SHCBP1L: variants seen among roughly 807,000 people sequenced by gnomAD.
SHCBP1L encodes the protein testicular spindle-associated protein SHCBP1L.
A neutral mutation model predicts 62.5 loss-of-function variants in SHCBP1L; 67 were observed. The observed-to-expected ratio is 1.07, with a 90% CI of 0.88 to 1.31. The LOEUF is 1.31. Among genes scored for constraint, SHCBP1L ranks in the 40% most tolerant of loss-of-function variants. The pLI, the probability that SHCBP1L is intolerant of heterozygous loss-of-function variation, is 0.00. For missense variants in SHCBP1L, 823 were observed against 809.8 expected, an observed-to-expected ratio of 1.02 and a Z score of -0.20; for synonymous variants, 284 against 289.4, an observed-to-expected ratio of 0.98 and a Z score of 0.19.
At chr1:182,929,882 G>A in intron 5 of SHCBP1L, 130 bp from the exon 6 acceptor site, 1 of 604,774 alleles carries the variant, frequency 1.7e-6, no homozygotes, top group South Asian at 2.1e-5. Flanking sequence ...TTCCTTGAGA[G>A]CAATGAGCAA....
At chr1:182,909,138 T>A (rs1428500826) in intron 6 of SHCBP1L, among the ~76,000 whole-genome samples, 2 of 152,168 alleles carry the variant, frequency 1.3e-5, no homozygotes, top group African/African-American at 4.8e-5. Flanking sequence ...ATATTTTTTT[T>A]ATTCACTGAA....
chr1:182,935,451 C>T (rs1651134741), intron 5 of SHCBP1L, among the ~76,000 whole-genome samples: 2 of 152,104 alleles, frequency 1.3e-5, no homozygotes, highest in South Asian at 4.1e-4. Flanking sequence ...AAATAAATTG[C>T]TCACTGCTGG....
At chr1:182,914,860 T>C (rs922759740) in intron 6 of SHCBP1L, among the ~76,000 whole-genome samples, 1 of 152,066 alleles carries the variant, frequency 6.6e-6, no homozygotes, top group Non-Finnish European at 1.5e-5. Flanking sequence ...ATAATCCAAC[T>C]ATATGATGTT....
intron 9 of SHCBP1L, among the ~76,000 whole-genome samples, chr1:182,900,967 A>G (rs953803317): frequency 6.6e-6 from 1 of 152,266 alleles, no homozygotes; most frequent in Non-Finnish European, 1.5e-5. Context: ...TCTGTATGGC[A>G]ATACAACCCA....
chr1:182,931,608 T>C (rs1306448114), intron 5 of SHCBP1L, among the ~76,000 whole-genome samples: 3 of 152,198 alleles, frequency 2.0e-5, no homozygotes, highest in East Asian at 3.8e-4. Flanking sequence ...TAATAGGCTT[T>C]ATTTTTCAGA....
chr1:182,922,302 C>G lies in SHCBP1L; in HGVS notation c.1182+7345G>C, dbSNP rs186037093. ...ACTCTACACGACCAAATGGACCTAA[C>G]AGACATCTACAGATCGCCTGAGGTC... On this transcript the variant is annotated intron_variant, in intron 6 of 9. Coordinates refer to ENST00000367547, the MANE Select transcript of SHCBP1L (RefSeq NM_030933.4). 8.8e-4 allele frequency among the ~76,000 whole-genome samples: 134 copies of G among 152,212 alleles called. 5 individuals carry two copies. The highest frequency in any genetic ancestry group is 5.9e-5 in the Non-Finnish European group (4 of 67,996).
chr1:182,947,843 A>T (rs1048502430), intron 2 of SHCBP1L, among the ~76,000 whole-genome samples: 3 of 152,132 alleles, frequency 2.0e-5, no homozygotes, highest in Non-Finnish European at 4.4e-5. Context: ...CACCCAGTTC[A>T]TTTTAAAATT....
intron 6 of SHCBP1L, among the ~76,000 whole-genome samples, chr1:182,911,902 G>A (rs1462092239): frequency 6.6e-6 from 1 of 152,218 alleles, no homozygotes; most frequent in Non-Finnish European, 1.5e-5. Context: ...ATTAGGAAGT[G>A]TCAGAAGAAG....
intron 6 of SHCBP1L, among the ~76,000 whole-genome samples, chr1:182,919,859 CAT>C (rs748265560): frequency 9.2e-5 from 14 of 152,094 alleles, no homozygotes; most frequent in Non-Finnish European, 2.1e-4. Flanking sequence ...CTTGTTGTAA[CAT>C]ATTAAATCAA....
intron 5 of SHCBP1L, among the ~76,000 whole-genome samples, chr1:182,933,664 C>T (rs906728354): frequency 6.6e-6 from 1 of 152,068 alleles, no homozygotes; most frequent in African/African-American, 2.4e-5. Flanking sequence ...TTTAAAACAA[C>T]ATTGGATTCC....
At chr1:182,922,940 C>T (rs919150105) in intron 6 of SHCBP1L, among the ~76,000 whole-genome samples, 1 of 152,012 alleles carries the variant, frequency 6.6e-6, no homozygotes, top group Non-Finnish European at 1.5e-5. Context: ...AAAAACCATA[C>T]AAAAGATCAA....
At chr1:182,939,856 G>C (rs1344123552) in intron 3 of SHCBP1L, among the ~76,000 whole-genome samples, 2 of 152,062 alleles carry the variant, frequency 1.3e-5, no homozygotes, top group African/African-American at 4.8e-5. Context: ...ATTTGTATGG[G>C]AGGAAAACAT....
At chr1:182,942,338 C>A in intron 2 of SHCBP1L, 1 of 798,766 alleles carries the variant, frequency 1.3e-6, no homozygotes, top group Non-Finnish European at 2.3e-6. Flanking sequence ...TGACAACCGC[C>A]CCGATCTCCT....
intron 6 of SHCBP1L, among the ~76,000 whole-genome samples, chr1:182,924,853 GAGGA>G (rs553688396): frequency 4.3e-4 from 61 of 141,032 alleles, no homozygotes; most frequent in African/African-American, 1.5e-3. Flanking sequence ...GGAAGGGAGG[GAGGA>G]AGGAAGGAAG....
intron 5 of SHCBP1L, among the ~76,000 whole-genome samples, chr1:182,935,635 G>A (rs1651141421): frequency 6.6e-6 from 1 of 152,104 alleles, no homozygotes. Context: ...CAGTTTGTAG[G>A]CCTTTTGTTT....
chr1:182,952,939 C>A lies in SHCBP1L; in HGVS notation c.195G>T (p.Thr65=), dbSNP rs777802630. The change falls in exon 1 of 10, where the codon ACG becomes ACT. Residue 65 remains threonine (T), a synonymous_variant. Coordinates refer to ENST00000367547, the MANE Select transcript of SHCBP1L (RefSeq NM_030933.4). ...RPVKGKAGRE[T]ARLRLQRLPA... ...GCAGGCGCTGGAGCCGCAGCCTGGC[C>A]GTCTCCCGGCCCGCTTTCCCCTTCA... 8.4e-6 allele frequency: 13 copies of A among 1,552,428 alleles called. No individual in the cohort carries two copies. In the South Asian group the frequency reaches 1.4e-4, roughly 17 times the overall value.
At position 182,900,363 on chromosome 1, in the gene SHCBP1L, A is replaced by G. The variant is rs1320590557; in HGVS notation, c.1711-129T>C. On this transcript the variant is annotated intron_variant, in intron 9 of 9. Transcript: ENST00000367547. ...TTTTTTAAAACAACCAAGACTCTCA[A>G]TTTTGAACAAGTGTTAAGTACTGTT... 1.4e-5 allele frequency: 10 copies of G among 733,666 alleles called. No individual in the cohort carries two copies. The South Asian group carries it at 2.3e-4, about 17-fold the overall frequency. 45.4% of individuals were successfully genotyped at this position (733,666 alleles called of 1,614,324 possible). A position where few individuals can be genotyped will look rare whatever the true frequency, so the allele number is the denominator to read the frequency against.
intron 2 of SHCBP1L, among the ~76,000 whole-genome samples, chr1:182,945,246 G>C (rs919444963): frequency 2.6e-5 from 4 of 152,084 alleles, no homozygotes; most frequent in South Asian, 2.1e-4. Context: ...TTACAGGCGT[G>C]AGCCACTGCG....
chr1:182,927,249 C>T (rs1650794642), intron 6 of SHCBP1L, among the ~76,000 whole-genome samples: 2 of 151,654 alleles, frequency 1.3e-5, no homozygotes, highest in Non-Finnish European at 2.9e-5. Context: ...AAGTCCATGC[C>T]TTTCCACTGC....
Sources: gnomAD v4.1 joint callset for allele counts (sites outside exome capture counted in the v4.1 genomes callset) on GRCh38, gnomAD v4.1.1 for gene constraint, MANE v1.5 for transcripts, NCBI Gene and HGNC (gene_info 2026-07-23, HGNC 2026-07-21) for gene names.